OR2Z1: variants seen among roughly 807,000 people sequenced by gnomAD.
The protein encoded by OR2Z1 is olfactory receptor 2Z1.
For missense variants in OR2Z1, 449 were observed against 401.8 expected (o/e 1.12, Z -1.00); for synonymous variants, 188 against 160.6 (o/e 1.17, Z -1.29).
At chr19:8,729,192 C>T in intron 2 of OR2Z1, 2 of 853,012 alleles carry the variant, frequency 2.3e-6, no homozygotes, top group Non-Finnish European at 3.8e-6. Context: ...TCCTTATTTG[C>T]TTTCGGCGCC....
rs2043352559 is a variant in OR2Z1 at position 8,731,241 on chromosome 19, T to C, written c.213T>C (p.Ile71=). 2 of 1,614,024 alleles carry C rather than the reference T, an allele frequency of 1.2e-6. No individual in the cohort carries two copies. The highest frequency in any genetic ancestry group is 8.5e-7 in the Non-Finnish European group (1 of 1,180,040). Residue 71 remains isoleucine (I), a synonymous_variant, in exon 3 of 3, where the codon ATT becomes ATC. Coordinates refer to ENST00000641125, the MANE Select transcript of OR2Z1 (RefSeq NM_001004699.3). ...TCAGCCAGCTCTCCCTGTTTGACATTGGCTGTCCCATGGTCACCATCCCCA... is the reference window on the plus strand; with the variant it reads ...TCAGCCAGCTCTCCCTGTTTGACATCGGCTGTCCCATGGTCACCATCCCCA... The part of the protein sequence containing the change: ...FLLSQLSLFD[I]GCPMVTIPKM...
At chr19:8,726,157 G>A (rs1321867030) in intron 2 of OR2Z1, among the ~76,000 whole-genome samples, 1 of 152,300 alleles carries the variant, frequency 6.6e-6, no homozygotes, top group Non-Finnish European at 1.5e-5. Context: ...AGTAGAGACA[G>A]GGTTTCACCG....
At chr19:8,728,945 G>C in intron 2 of OR2Z1, 3 of 676,950 alleles carry the variant, frequency 4.4e-6, no homozygotes, top group Non-Finnish European at 8.2e-6. Context: ...CTATCTTCTT[G>C]ATGGTGGACT....
intron 2 of OR2Z1, among the ~76,000 whole-genome samples, chr19:8,725,668 A>G (rs1320204528): frequency 2.6e-5 from 4 of 152,248 alleles, no homozygotes; most frequent in Non-Finnish European, 5.9e-5. Context: ...TGCCCTCATT[A>G]ACATCCACCT....
Position 8,731,232 on chromosome 19 carries a change from G to C in OR2Z1, c.204G>C (p.Leu68=), listed in dbSNP as rs782578519. Residue 68 remains leucine (L), a synonymous_variant, in exon 3 of 3, where the codon CTG becomes CTC. Transcript: ENST00000641125. ...PMYFLLSQLS[L]FDIGCPMVTI... ...ACTTCCTGCTCAGCCAGCTCTCCCT[G>C]TTTGACATTGGCTGTCCCATGGTCA... is the stretch of plus-strand genomic sequence containing the variant. The C allele has an allele frequency of 6.2e-7, 1 of 1,613,986 alleles. No homozygotes were observed. Among genetic ancestry groups the C allele is most frequent in the East Asian group, 2.2e-5 (1 of 44,880 alleles).
At chr19:8,727,694 C>A (rs145303051) in intron 2 of OR2Z1, among the ~76,000 whole-genome samples, 1 of 152,334 alleles carries the variant, frequency 6.6e-6, no homozygotes, top group African/African-American at 2.4e-5. Context: ...TGGTGAAACC[C>A]TGTCTCTACT....
chr19:8,723,131 T>C lies in OR2Z1; in HGVS notation c.-189T>C, dbSNP rs528955713. The C allele has an allele frequency of 1.2e-3, 176 of 152,252 alleles. No individual in the cohort carries two copies. The highest frequency in any genetic ancestry group is 4.1e-3 in the African/African-American group (169 of 41,538). The allele number at this position is 152,252 out of a possible 1,614,324, so 9.4% of individuals were successfully genotyped here. ...ATGCATCAAAGACAGTGGGACCACC[T>C]GGGCACCCTGAAAGGAAAGGTGAGT... On this transcript the variant is annotated 5_prime_UTR_variant, in exon 2 of 3. Transcript: ENST00000641125.
intron 2 of OR2Z1, among the ~76,000 whole-genome samples, chr19:8,727,326 C>T (rs552087969): frequency 6.6e-6 from 1 of 152,288 alleles, no homozygotes; most frequent in African/African-American, 2.4e-5. Flanking sequence ...TCCTCAGCCC[C>T]TGGTCACCTC....
chr19:8,722,924 A>T (rs1555755823), intron 1 of OR2Z1, among the ~76,000 whole-genome samples, 182 bp from the exon 2 acceptor site: 1 of 152,116 alleles, frequency 6.6e-6, no homozygotes, highest in Non-Finnish European at 1.5e-5. Context: ...AGGCAAGAAG[A>T]TGGCTTGAGC....
intron 2 of OR2Z1, chr19:8,728,598 A>G (rs2043337421): frequency 1.0e-5 from 4 of 397,350 alleles, no homozygotes; most frequent in African/African-American, 4.2e-5. Context: ...GGTGTGTTAC[A>G]TGGATATATT....
chr19:8,728,041 C>T (rs1452422846), intron 2 of OR2Z1, among the ~76,000 whole-genome samples: 2 of 152,196 alleles, frequency 1.3e-5, no homozygotes, highest in East Asian at 1.9e-4. Flanking sequence ...TAAATACTGG[C>T]GTAAAGCAAA....
At chr19:8,725,798 T>C (rs929540352) in intron 2 of OR2Z1, among the ~76,000 whole-genome samples, 7 of 152,204 alleles carry the variant, frequency 4.6e-5, no homozygotes, top group South Asian at 2.1e-4. Context: ...GATTGGGTAA[T>C]TTATAAAGAA....
chr19:8,724,742 T>C (rs1188560774), intron 2 of OR2Z1, among the ~76,000 whole-genome samples: 1 of 152,140 alleles, frequency 6.6e-6, no homozygotes, highest in African/African-American at 2.4e-5. Context: ...CTTCTCTTCA[T>C]TACTGAGAAT....
chr19:8,726,011 G>A (rs982293234), intron 2 of OR2Z1, among the ~76,000 whole-genome samples: 2 of 152,030 alleles, frequency 1.3e-5, no homozygotes, highest in Admixed American at 6.6e-5. Flanking sequence ...CTGTGCCCAG[G>A]CTGGAATGCA....
chr19:8,722,662 A>G (rs1449302517), intron 1 of OR2Z1, among the ~76,000 whole-genome samples: 1 of 152,138 alleles, frequency 6.6e-6, no homozygotes, highest in Non-Finnish European at 1.5e-5. Flanking sequence ...ACTGTGGGGC[A>G]GCAGGTGAGA....
At chr19:8,729,238 C>A in intron 2 of OR2Z1, 1 of 630,548 alleles carries the variant, frequency 1.6e-6, no homozygotes, top group South Asian at 1.6e-5. Context: ...AGTTTTTTAA[C>A]CCTTGCTTCC....
At position 8,731,398 on chromosome 19, in the gene OR2Z1, G is replaced by A. The variant is rs782397622; in HGVS notation, c.370G>A (p.Val124Ile). ...LLVLMSYDRY[V>I]AVCQPLQYPV... ...GGTCCTCATGTCTTATGACCGTTAT[G>A]TTGCTGTGTGCCAGCCCCTGCAGTA... Residue 124 changes from valine (V) to isoleucine (I), a missense_variant, in exon 3 of 3, where the codon GTT becomes ATT. By Grantham distance (29) the Val-to-Ile change is conservative. Coordinates refer to ENST00000641125, the MANE Select transcript of OR2Z1 (RefSeq NM_001004699.3). 1 of 1,613,974 alleles carries A rather than the reference G, an allele frequency of 6.2e-7. No homozygotes were observed. Among genetic ancestry groups the A allele is most frequent in the African/African-American group, 1.3e-5 (1 of 74,876 alleles).
Position 8,731,234 on chromosome 19 carries a change from T to A in OR2Z1, c.206T>A (p.Phe69Tyr). The change falls in exon 3 of 3, where the codon TTT (phenylalanine) becomes TAT (tyrosine). Residue 69 changes from phenylalanine to tyrosine, a missense_variant. Coordinates refer to ENST00000641125, the MANE Select transcript of OR2Z1 (RefSeq NM_001004699.3). ...MYFLLSQLSL[F>Y]DIGCPMVTIP... ...TTCCTGCTCAGCCAGCTCTCCCTGT[T>A]TGACATTGGCTGTCCCATGGTCACC... 1.2e-6 allele frequency: 2 copies of A among 1,614,152 alleles called. No homozygotes were observed. The highest frequency in any genetic ancestry group is 2.2e-5 in the South Asian group (2 of 91,074).
At chr19:8,727,493 A>T (rs1181188846) in intron 2 of OR2Z1, among the ~76,000 whole-genome samples, 1 of 152,100 alleles carries the variant, frequency 6.6e-6, no homozygotes, top group African/African-American at 2.4e-5. Flanking sequence ...AACATGGCGC[A>T]TGTATACATA....
Sources: allele counts gnomAD v4.1 joint callset (sites outside exome capture counted in the v4.1 genomes callset), GRCh38; gene constraint gnomAD v4.1.1; transcripts MANE v1.5; gene names NCBI Gene and HGNC (gene_info 2026-07-23, HGNC 2026-07-21).